EYS: variants seen among roughly 807,000 people sequenced by gnomAD.
EYS encodes EGF-like photoreceptor maintenance factor.
In EYS, 250 loss-of-function variants were observed where a neutral mutation model predicts 282.1. The ratio of observed to expected loss-of-function variants is 0.89; its 90% CI spans 0.80 to 0.98. The LOEUF is 0.98. Among genes scored for constraint, EYS ranks in the 50% least tolerant of loss-of-function variants. The pLI, the probability that EYS is intolerant of heterozygous loss-of-function variation, is 0.00. For missense variants in EYS, 4,016 were observed against 3,709.0 expected, an observed-to-expected ratio of 1.08 and a Z score of -2.15; for synonymous variants, 1,355 against 1,282.9, an observed-to-expected ratio of 1.06 and a Z score of -1.20.
chr6:65,690,751 C>T (rs1428773213), intron 1 of EYS, among the ~76,000 whole-genome samples: 6 of 149,990 alleles, frequency 4.0e-5, no homozygotes, highest in African/African-American at 1.5e-4. Flanking sequence ...CCACAACAGG[C>T]CCCCAAGTGT....
In EYS at chr6:65,344,047, G is replaced by T; in HGVS notation, c.1590C>A (p.Gly530=). ...CATAAAATTACCTTACCTCTTTTGT[G>T]CCTTCATGTGGGAACCAACATGAAG... ...NNSSCWFPHE[G]TKEICANGCS... The change falls in exon 10 of 43, where the codon GGC becomes GGA. Residue 530 remains glycine (G), a synonymous_variant. Coordinates refer to ENST00000503581, the MANE Select transcript of EYS (RefSeq NM_001142800.2). 6.2e-7 allele frequency: 1 copy of T among 1,609,986 alleles called. No individual in the cohort carries two copies. Among genetic ancestry groups the T allele is most frequent in the Non-Finnish European group, 8.5e-7 (1 of 1,177,454 alleles).
chr6:64,120,334 T>C (rs548799574), intron 31 of EYS, among the ~76,000 whole-genome samples: 37 of 121,294 alleles, frequency 3.1e-4, no homozygotes, highest in South Asian at 1.5e-3. Context: ...CCAGCCTGGG[T>C]GACAGAGCGA....
rs142178909 is a variant in EYS, at chr6:65,344,125, A to T, written c.1512T>A (p.Ala504=). Residue 504 remains alanine, a synonymous_variant, in exon 10 of 43, where the codon GCT becomes GCA. Transcript: ENST00000503581. ...AGGTTGCATCTTCAGTGCAGTTTGC[A>T]GCCAGAAAGAAATAGGCATCAATAA... ...QGVIDAYFFL[A]ANCTEDATYV... 4.2e-5 allele frequency: 67 copies of T among 1,610,708 alleles called. No homozygotes were observed. In the African/African-American group the frequency reaches 6.4e-4, roughly 15 times the overall value.
chr6:65,295,014 A>G (rs1177231887), intron 12 of EYS, among the ~76,000 whole-genome samples: 1 of 151,866 alleles, frequency 6.6e-6, no homozygotes, highest in Non-Finnish European at 1.5e-5. Flanking sequence ...TTATCTTTAA[A>G]TTGCTTCCAA....
chr6:65,678,886 A>C, intron 1 of EYS, among the ~76,000 whole-genome samples: 1 of 152,020 alleles, frequency 6.6e-6, no homozygotes, highest in East Asian at 1.9e-4. Flanking sequence ...AAACAGGAAA[A>C]AACAGATCAA....
chr6:63,997,784 G>A (rs1445555045), intron 34 of EYS, among the ~76,000 whole-genome samples: 3 of 152,128 alleles, frequency 2.0e-5, no homozygotes, highest in African/African-American at 7.2e-5. Context: ...TGGATTCTAT[G>A]TGTTAAAAAT....
intron 12 of EYS, among the ~76,000 whole-genome samples, chr6:65,129,386 C>A (rs77570265): frequency 0.035 from 5,258 of 151,894 alleles, 131 homozygotes; most frequent in Non-Finnish European, 0.057. Flanking sequence ...AATAGACAAC[C>A]TACAGAATGG....
intron 12 of EYS, among the ~76,000 whole-genome samples, chr6:65,229,730 A>T (rs1390647680): frequency 1.3e-5 from 2 of 151,932 alleles, no homozygotes; most frequent in African/African-American, 4.8e-5. Flanking sequence ...AAAGTGAAAA[A>T]ACATAATGTT....
intron 2 of EYS, among the ~76,000 whole-genome samples, chr6:65,638,429 T>G (rs1582550843): frequency 6.6e-6 from 1 of 152,048 alleles, no homozygotes. Context: ...CTGTGGGCGA[T>G]GAAAAGGAGA....
chr6:65,137,199 G>C (rs1261391742), intron 12 of EYS, among the ~76,000 whole-genome samples: 1 of 152,046 alleles, frequency 6.6e-6, no homozygotes, highest in Non-Finnish European at 1.5e-5. Flanking sequence ...TAGCTATATG[G>C]TTCCAGGAAA....
At chr6:64,739,129 T>A (rs533507535) in intron 22 of EYS, among the ~76,000 whole-genome samples, 1 of 152,168 alleles carries the variant, frequency 6.6e-6, no homozygotes, top group Non-Finnish European at 1.5e-5. Context: ...CTCTATAGCC[T>A]CAGACAATCA....
chr6:65,250,941 A>T (rs1418582338), intron 12 of EYS, among the ~76,000 whole-genome samples: 1 of 151,392 alleles, frequency 6.6e-6, no homozygotes, highest in African/African-American at 2.4e-5. Flanking sequence ...TATAATCCCA[A>T]TGAGTTTATT....
intron 30 of EYS, among the ~76,000 whole-genome samples, chr6:64,295,867 T>C (rs1245984792): frequency 6.6e-6 from 1 of 152,140 alleles, no homozygotes; most frequent in Admixed American, 6.5e-5. Context: ...ATGACAGCTA[T>C]ACAATACTTA....
chr6:65,494,552 A>G (rs964804761), intron 4 of EYS, 111 bp downstream of exon 4: 1 of 1,030,796 alleles, frequency 9.7e-7, no homozygotes, highest in Non-Finnish European at 1.4e-6. Context: ...AAGTGCTGGG[A>G]TTACAGGTGT....
intron 19 of EYS, among the ~76,000 whole-genome samples, chr6:64,880,438 G>T (rs990029895): frequency 4.0e-5 from 6 of 151,660 alleles, no homozygotes; most frequent in Admixed American, 6.6e-5. Flanking sequence ...GTAAATATCA[G>T]TTAGTAAGGA....
chr6:64,609,257 G>A (rs151027864), intron 24 of EYS, among the ~76,000 whole-genome samples: 35 of 152,240 alleles, frequency 2.3e-4, no homozygotes, highest in Middle Eastern at 3.4e-3. Context: ...ACATGTTGTG[G>A]CAGTATTATG....
rs192006792 is a variant in EYS at position 65,235,300 on chromosome 6, G to A, written c.2023+60563C>T. ...AGGTTGTCATCCTTAATAGTACTGT[G>A]ACTGAGCCACATTTAATCTACTGGA... On this transcript the variant is annotated intron_variant, in intron 12 of 42. Coordinates refer to ENST00000503581, the MANE Select transcript of EYS (RefSeq NM_001142800.2). 1.4e-3 allele frequency among the ~76,000 whole-genome samples: 220 copies of A among 152,152 alleles called. 2 individuals carry two copies. Among genetic ancestry groups the A allele is most frequent in the Middle Eastern group, 3.4e-3 (1 of 294 alleles).
chr6:65,611,528 A>T (rs1766002081), intron 2 of EYS, among the ~76,000 whole-genome samples: 1 of 152,026 alleles, frequency 6.6e-6, no homozygotes, highest in African/African-American at 2.4e-5. Flanking sequence ...TGACAAGCAG[A>T]AAAAGACTGA....
At chr6:64,156,781 A>G (rs1323013202) in intron 31 of EYS, among the ~76,000 whole-genome samples, 1 of 152,168 alleles carries the variant, frequency 6.6e-6, no homozygotes, top group Non-Finnish European at 1.5e-5. Flanking sequence ...CTTGAGAGAG[A>G]TGATTCAGAG....
Sources: gnomAD v4.1 joint callset for allele counts (sites outside exome capture counted in the v4.1 genomes callset) on GRCh38, gnomAD v4.1.1 for gene constraint, MANE v1.5 for transcripts, NCBI Gene and HGNC (gene_info 2026-07-23, HGNC 2026-07-21) for gene names.